Variants in PLEKHG6 observed in about 807,000 individuals in gnomAD.
PLEKHG6 encodes pleckstrin homology domain-containing family G member 6.
PLEKHG6 carries 91 observed loss-of-function variants against 97.5 expected under a neutral mutation model. The observed-to-expected ratio is 0.93, with a 90% CI of 0.79 to 1.11. The LOEUF (loss-of-function observed/expected upper bound fraction) is 1.11, where lower values mean the gene tolerates loss of function less well. PLEKHG6 is among the 50% of genes most tolerant of loss of function. PLEKHG6 has a pLI of 0.00. For synonymous variants in PLEKHG6, 466 were observed against 425.5 expected (o/e 1.10, Z -1.17); for missense variants, 1,044 against 1,031.0 (o/e 1.01, Z -0.17).
rs1171637996 is a variant in PLEKHG6, at chr12:6,327,929, C to T, written c.2346C>T (p.Asp782=). Residue 782 remains aspartate, a synonymous_variant, in exon 15 of 16, where the codon GAC becomes GAT. Transcript: ENST00000684764. ...RMRGPHIIQL[D]TPLSASEV The stretch of plus-strand genomic sequence containing the variant: ...GGGGGCCCCACATCATTCAGCTGGA[C>T]ACCCCTCTGTCCGCATCGTAAGTGC... The T allele has an allele frequency of 1.3e-6, 2 of 1,483,830 alleles. No individual in the cohort carries two copies. Among genetic ancestry groups the T allele is most frequent in the Non-Finnish European group, 1.8e-6 (2 of 1,117,506 alleles). The allele number at this position is 1,483,830 out of a possible 1,614,324, so 91.9% of individuals were successfully genotyped here. A position where few individuals can be genotyped will look rare whatever the true frequency, so the allele number is the denominator to read the frequency against.
At position 6,315,548 on chromosome 12, in the gene PLEKHG6, C is replaced by T; in HGVS notation, c.460-6C>T. 1 of 1,534,480 alleles carries T rather than the reference C, an allele frequency of 6.5e-7. No individual in the cohort carries two copies. ...CCCAACTGAACCAGCATTCTCCCCA[C>T]CCCAGGAGATGAGCCAGGAGCTCTG... On this transcript the variant is annotated splice_polypyrimidine_tract_variant and splice_region_variant and intron_variant, in intron 4 of 15. Transcript: ENST00000684764. This position sits in a 1 kb window ranked among gnomAD's most constrained non-coding sequence, Gnocchi z 4.5.
At position 6,316,451 on chromosome 12, in the gene PLEKHG6, C is replaced by T. The variant is rs1162675352; in HGVS notation, c.756+47C>T. 4.7e-6 allele frequency: 7 copies of T among 1,504,890 alleles called. No homozygotes were observed. The highest frequency in any genetic ancestry group is 6.3e-6 in the Non-Finnish European group (7 of 1,118,332). 93.2% of individuals were successfully genotyped at this position (1,504,890 alleles called of 1,614,324 possible). A position where few individuals can be genotyped will look rare whatever the true frequency, so the allele number is the denominator to read the frequency against. On this transcript the variant is annotated intron_variant, in intron 7 of 15. Coordinates refer to ENST00000684764, the MANE Select transcript of PLEKHG6 (RefSeq NM_001384598.1). The surrounding 1 kb of genome is among the most constrained non-coding windows in gnomAD (Gnocchi z 4.1). ...GTCTGGATGGGGCAGGACTCGGAGCCCTCGGGGGTCCTGTGTGTAGGGCAT... is the reference window on the plus strand; with the variant it reads ...GTCTGGATGGGGCAGGACTCGGAGCTCTCGGGGGTCCTGTGTGTAGGGCAT...
intron 3 of PLEKHG6, 99 bp downstream of exon 3, chr12:6,313,883 A>ACT: frequency 8.7e-7 from 1 of 1,145,318 alleles, no homozygotes; most frequent in Non-Finnish European, 1.2e-6. Context: ...ACACAGGTCC[A>ACT]GGAGGCTGCT....
chr12:6,317,448 C>A, intron 8 of PLEKHG6, 35 bp downstream of exon 8: 1 of 1,606,172 alleles, frequency 6.2e-7, no homozygotes, highest in Non-Finnish European at 8.5e-7. Flanking sequence ...GGGACGGGTG[C>A]ATCTTAGCCG....
At position 6,318,307 on chromosome 12, in the gene PLEKHG6, C is replaced by A; in HGVS notation, c.1162C>A (p.Arg388Ser). 4 of 1,614,050 alleles carry A rather than the reference C, an allele frequency of 2.5e-6. No individual in the cohort carries two copies. The African/African-American group carries it at 4.0e-5, about 16-fold the overall frequency. Reference sequence around the variant, plus strand: ...TCCCCTCTGTGTCCCTCAGAACCTGCGCCCATTCTCCACCCTGGACCTGAC... The same window carrying A: ...TCCCCTCTGTGTCCCTCAGAACCTGAGCCCATTCTCCACCCTGGACCTGAC... ...PPSDEVEKNLRPFSTLDLTSP... is the reference protein window; with the variant it reads ...PPSDEVEKNLSPFSTLDLTSP... The change falls in exon 11 of 16, where the codon CGC becomes AGC. Residue 388 changes from arginine (R) to serine (S), a missense_variant. Arg to Ser is a moderately radical substitution (Grantham distance 110, BLOSUM62 -1). Transcript: ENST00000684764.
rs201096988 is a variant in PLEKHG6 at position 6,318,978 on chromosome 12, G to T, written c.1409-15G>T. 13 of 1,612,786 alleles carry T rather than the reference G, an allele frequency of 8.1e-6. No homozygotes were observed. The highest frequency in any genetic ancestry group is 1.7e-4 in the Middle Eastern group (1 of 6,056). ...AATAAAGGCTGGCCTCTTGAAGGTTGTCTCCTCCATCCAGACAGCTTCCTG... is the reference window on the plus strand; with the variant it reads ...AATAAAGGCTGGCCTCTTGAAGGTTTTCTCCTCCATCCAGACAGCTTCCTG... On this transcript the variant is annotated splice_polypyrimidine_tract_variant and intron_variant, in intron 12 of 15. Coordinates refer to ENST00000684764, the MANE Select transcript of PLEKHG6 (RefSeq NM_001384598.1).
intron 3 of PLEKHG6, among the ~76,000 whole-genome samples, chr12:6,314,240 C>T (rs145816964): frequency 0.011 from 1,661 of 152,226 alleles, 20 homozygotes; most frequent in Non-Finnish European, 0.014. Flanking sequence ...TGGTGGCTCA[C>T]ACCTGTAATC....
rs752070888 is a variant in PLEKHG6, at chr12:6,315,082, G to T, written c.372G>T (p.Glu124Asp). 4 of 1,613,648 alleles carry T rather than the reference G, an allele frequency of 2.5e-6. No individual in the cohort carries two copies. The South Asian group carries it at 4.4e-5, about 18-fold the overall frequency. Residue 124 changes from glutamate to aspartate, a missense_variant, in exon 4 of 16, where the codon GAG becomes GAT. Glu to Asp is a conservative substitution (Grantham distance 45, BLOSUM62 2). Coordinates refer to ENST00000684764, the MANE Select transcript of PLEKHG6 (RefSeq NM_001384598.1). This position sits in a 1 kb window ranked among gnomAD's most constrained non-coding sequence, Gnocchi z 4.5. ...TTGGGATGCCCCGGCTGCCCCCTGAGGACCGGCGGCACTGGGAGATAGGAG... is the reference window on the plus strand; with the variant it reads ...TTGGGATGCCCCGGCTGCCCCCTGATGACCGGCGGCACTGGGAGATAGGAG... ...SMFGMPRLPP[E>D]DRRHWEIGEG... is the part of the protein sequence containing the mutation.
At chr12:6,310,942 C>G (rs1160122201) in intron 1 of PLEKHG6, 94 bp downstream of exon 1, 1 of 152,342 alleles carries the variant, frequency 6.6e-6, no homozygotes, top group Non-Finnish European at 1.5e-5. Flanking sequence ...CCTGGCCTCC[C>G]GAAGGCGGGA....
rs763951405 is a variant in PLEKHG6 at position 6,327,816 on chromosome 12, G to A, written c.2233G>A (p.Glu745Lys). 6.6e-7 allele frequency: 1 copy of A among 1,512,208 alleles called. No homozygotes were observed. The highest frequency in any genetic ancestry group is 8.8e-7 in the Non-Finnish European group (1 of 1,130,946). 93.7% of individuals were successfully genotyped at this position (1,512,208 alleles called of 1,614,324 possible). ...AEDMLREIRE[E>K]LASQRIEGAE... ...GGACATGCTCAGAGAGATCCGGGAGGAGCTGGCCAGCCAAAGGATTGAGGG... is the reference window on the plus strand; with the variant it reads ...GGACATGCTCAGAGAGATCCGGGAGAAGCTGGCCAGCCAAAGGATTGAGGG... Residue 745 changes from glutamate (E) to lysine (K), a missense_variant, in exon 15 of 16, where the codon GAG becomes AAG. Coordinates refer to ENST00000684764, the MANE Select transcript of PLEKHG6 (RefSeq NM_001384598.1).
rs1947426905 is a variant in PLEKHG6, at chr12:6,315,561, G to T, written c.467G>T (p.Ser156Ile). The change falls in exon 5 of 16, where the codon AGC becomes ATC. Residue 156 changes from serine to isoleucine, a missense_variant. Ser to Ile is a moderately radical substitution (Grantham distance 142, BLOSUM62 -2). Coordinates refer to ENST00000684764, the MANE Select transcript of PLEKHG6 (RefSeq NM_001384598.1). This position sits in a 1 kb window ranked among gnomAD's most constrained non-coding sequence, Gnocchi z 4.5. The part of the protein sequence containing the change: ...RELVPGHKEM[S>I]QELCHQQEAL... Reference sequence around the variant, plus strand: ...GCATTCTCCCCACCCCAGGAGATGAGCCAGGAGCTCTGCCACCAACAGGAG... The same window carrying T: ...GCATTCTCCCCACCCCAGGAGATGATCCAGGAGCTCTGCCACCAACAGGAG... 3 of 1,563,082 alleles carry T rather than the reference G, an allele frequency of 1.9e-6. No individual in the cohort carries two copies. The highest frequency in any genetic ancestry group is 2.3e-5 in the East Asian group (1 of 43,772).
Position 6,313,559 on chromosome 12 carries a change from C to A in PLEKHG6, c.139-70C>A. On this transcript the variant is annotated intron_variant, in intron 2 of 15. Coordinates refer to ENST00000684764, the MANE Select transcript of PLEKHG6 (RefSeq NM_001384598.1). ...AACAACATCTAGAGCCAAGCCTGCCCCCCTACTACCTCTCTGGGGTTTCTG... is the reference window on the plus strand; with the variant it reads ...AACAACATCTAGAGCCAAGCCTGCCACCCTACTACCTCTCTGGGGTTTCTG... 2.6e-6 allele frequency: 4 copies of A among 1,559,948 alleles called. No individual in the cohort carries two copies. In the South Asian group the frequency reaches 4.6e-5, roughly 18 times the overall value.
chr12:6,315,190 G>A lies in PLEKHG6; in HGVS notation c.459+21G>A, dbSNP rs527504869. The stretch of plus-strand genomic sequence containing the variant: ...ACAAGGTGAGCCTGAAACTCACAAG[G>A]TGAGTCTGTCCCCACGGCGTGAATG... On this transcript the variant is annotated intron_variant, in intron 4 of 15. Transcript: ENST00000684764. This position sits in a 1 kb window ranked among gnomAD's most constrained non-coding sequence, Gnocchi z 4.5. 3.1e-6 allele frequency: 5 copies of A among 1,604,410 alleles called. No homozygotes were observed. The highest frequency in any genetic ancestry group is 2.7e-5 in the African/African-American group (2 of 74,776).
At chr12:6,312,871 G>C in intron 2 of PLEKHG6, 1 of 1,335,134 alleles carries the variant, frequency 7.5e-7, no homozygotes, top group South Asian at 1.7e-5. Flanking sequence ...AAGCAGAGGG[G>C]TGTGGAAGCC....
At chr12:6,325,147 C>T (rs996262847) in intron 13 of PLEKHG6, among the ~76,000 whole-genome samples, 14 of 152,326 alleles carry the variant, frequency 9.2e-5, no homozygotes, top group African/African-American at 3.1e-4. Flanking sequence ...CCTCCAACCT[C>T]AGCTCTGCCA....
chr12:6,320,540 T>C (rs2136764466), intron 13 of PLEKHG6, among the ~76,000 whole-genome samples: 1 of 152,284 alleles, frequency 6.6e-6, no homozygotes, highest in South Asian at 2.1e-4. Flanking sequence ...GGCCTTCCTC[T>C]CTGTATGTCT....
rs970679755 is a variant in PLEKHG6 at position 6,319,017 on chromosome 12, C to T, written c.1433C>T (p.Thr478Ile). Residue 478 changes from threonine to isoleucine, a missense_variant, in exon 13 of 16, where the codon ACT (threonine) becomes ATT (isoleucine). By Grantham distance (89) the Thr-to-Ile change is moderately conservative. Transcript: ENST00000684764. ...GACAGCTTCCTGCTGATCCACCTCA[C>T]TGAATTCCAGTGTGTCTCCAGCGCC... Reference protein sequence around the residue: ...DPNSFLLIHLTEFQCVSSALL... With the variant: ...DPNSFLLIHLIEFQCVSSALL... 1.2e-6 allele frequency: 2 copies of T among 1,614,132 alleles called. No individual in the cohort carries two copies. Among genetic ancestry groups the T allele is most frequent in the Non-Finnish European group, 1.7e-6 (2 of 1,179,994 alleles).
chr12:6,322,952 G>T (rs1193062033), intron 13 of PLEKHG6, among the ~76,000 whole-genome samples: 1 of 152,182 alleles, frequency 6.6e-6, no homozygotes, highest in Non-Finnish European at 1.5e-5. Flanking sequence ...GGACAAAAGC[G>T]CAAGCTAGTG....
Position 6,327,752 on chromosome 12 carries a change from G to A in PLEKHG6, c.2169G>A (p.Leu723=). 6.5e-7 allele frequency: 1 copy of A among 1,546,422 alleles called. No homozygotes were observed. The change falls in exon 15 of 16, where the codon CTG becomes CTA. Residue 723 remains leucine (L), a synonymous_variant. Coordinates refer to ENST00000684764, the MANE Select transcript of PLEKHG6 (RefSeq NM_001384598.1). ...AGGAAGAAGAGGGGCCTCTGTTCCT[G>A]AAAGCTGGCCACACATCCCTGCGCC... The part of the protein sequence containing the change: ...GEEEEEGPLF[L]KAGHTSLRPM...
Sources: allele counts gnomAD v4.1 joint callset (sites outside exome capture counted in the v4.1 genomes callset), GRCh38; gene constraint gnomAD v4.1.1; non-coding constraint Gnocchi (gnomAD v3.1); transcripts MANE v1.5; gene names NCBI Gene and HGNC (gene_info 2026-07-23, HGNC 2026-07-21).